NELFA: variants seen among roughly 807,000 people sequenced by gnomAD.
The protein encoded by NELFA is negative elongation factor A.
Under a neutral mutation model 51.8 loss-of-function variants are expected in NELFA, and 35 were observed. The ratio of observed to expected loss-of-function variants is 0.68; its 90% CI spans 0.52 to 0.90. NELFA has a LOEUF of 0.90. NELFA is among the 40% of genes least tolerant of loss of function. The probability of loss-of-function intolerance (pLI) is 0.00; values close to 1 mark genes in which losing one functional copy is unlikely to be tolerated. For missense variants in NELFA, 658 were observed against 746.4 expected (o/e 0.88, Z 1.38); for synonymous variants, 417 against 338.4 (o/e 1.23, Z -2.55).
At chr4:1,992,060 C>T (rs775420057) in intron 1 of NELFA, 38 of 233,770 alleles carry the variant, frequency 1.6e-4, no homozygotes, top group Middle Eastern at 1.6e-3. Context: ...CCACTGCTCC[C>T]GCAGAAAGCC....
intron 1 of NELFA, among the ~76,000 whole-genome samples, chr4:2,001,726 A>T (rs1728570291): frequency 1.3e-5 from 2 of 152,142 alleles, no homozygotes; most frequent in African/African-American, 4.8e-5. Flanking sequence ...AACGTGGTTA[A>T]ACCCCATCTC....
chr4:2,002,183 A>C (rs547872746), intron 1 of NELFA, among the ~76,000 whole-genome samples: 1 of 151,976 alleles, frequency 6.6e-6, no homozygotes, highest in East Asian at 1.9e-4. Context: ...CTGGGCGACA[A>C]AGCGAGACTC....
intron 1 of NELFA, 118 bp from the exon 2 acceptor site, chr4:1,991,833 C>T: frequency 9.4e-7 from 1 of 1,061,580 alleles, no homozygotes; most frequent in Non-Finnish European, 1.3e-6. Context: ...TTGCCCCCAA[C>T]ACTTCCTCCT....
chr4:2,002,032 C>T (rs1728581870), intron 1 of NELFA, among the ~76,000 whole-genome samples: 1 of 151,534 alleles, frequency 6.6e-6, no homozygotes, highest in Non-Finnish European at 1.5e-5. Flanking sequence ...AACCCTGTCT[C>T]TACTAAAAAT....
At chr4:1,996,702 C>G (rs1216590340) in intron 1 of NELFA, among the ~76,000 whole-genome samples, 2 of 152,202 alleles carry the variant, frequency 1.3e-5, no homozygotes, top group African/African-American at 4.8e-5. Context: ...TCAACCAAGG[C>G]ATGTGGATCA....
chr4:2,007,489 G>A lies in NELFA; in HGVS notation c.210+1261C>T, dbSNP rs145711912. On this transcript the variant is annotated intron_variant, in intron 1 of 10. Coordinates refer to ENST00000382882, the MANE Select transcript of NELFA (RefSeq NM_005663.5). ...GCTGCAACGTGGATGAAACTGTCAC[G>A]GCGTCGACCAAAAAGACACATGCAC... 5.8e-3 allele frequency among the ~76,000 whole-genome samples: 890 copies of A among 152,274 alleles called. 5 individuals carry two copies. The highest frequency in any genetic ancestry group is 9.5e-3 in the Non-Finnish European group (643 of 68,022).
At position 1,988,212 on chromosome 4, in the gene NELFA, G is replaced by A. The variant is rs147229763; in HGVS notation, c.545-205C>T. On this transcript the variant is annotated intron_variant, in intron 3 of 10. Coordinates refer to ENST00000382882, the MANE Select transcript of NELFA (RefSeq NM_005663.5). ...AAACTCACTCAGGTGAGCAAGTTTC[G>A]GGAGCTGGGTGGCTGTGGCTGCACC... is the stretch of plus-strand genomic sequence containing the variant. Among the ~76,000 whole-genome samples, 234 of 152,280 alleles carry A rather than the reference G, an allele frequency of 1.5e-3. No individual in the cohort carries two copies. In the East Asian group the frequency reaches 0.016, roughly 11 times the overall value.
intron 1 of NELFA, among the ~76,000 whole-genome samples, chr4:2,006,659 C>T (rs1397753800): frequency 1.3e-5 from 2 of 149,732 alleles, no homozygotes; most frequent in East Asian, 4.1e-4. Context: ...GTCCCAGCTA[C>T]TACAGAGGTT....
Position 1,990,375 on chromosome 4 carries a change from G to A in NELFA, c.383-506C>T, listed in dbSNP as rs140707443. On this transcript the variant is annotated intron_variant, in intron 2 of 10. Transcript: ENST00000382882. ...GTTCAGATCCCAGAAACTGCCCCACGAGGGACAGGCGACCTCCCACCTGAA... is the reference window on the plus strand; with the variant it reads ...GTTCAGATCCCAGAAACTGCCCCACAAGGGACAGGCGACCTCCCACCTGAA... 1.9e-3 allele frequency: 860 copies of A among 456,828 alleles called. 5 individuals carry two copies. The highest frequency in any genetic ancestry group is 0.016 in the African/African-American group (798 of 50,182). 28.3% of individuals were successfully genotyped at this position (456,828 alleles called of 1,614,324 possible). A position where few individuals can be genotyped will look rare whatever the true frequency, so the allele number is the denominator to read the frequency against.
rs140457309 is a variant in NELFA, at chr4:1,984,844, C to T, written c.1000G>A (p.Ala334Thr). The T allele has an allele frequency of 1.1e-4, 169 of 1,573,438 alleles. 2 individuals are homozygous for T. The Admixed American group carries it at 3.0e-3, about 28-fold the overall frequency. Reference sequence around the variant, plus strand: ...TCGGAGCTGGGGATGTAGGAGGAGGCGGGAACCACGCTGGGCGTGGAGGGA... The same window carrying T: ...TCGGAGCTGGGGATGTAGGAGGAGGTGGGAACCACGCTGGGCGTGGAGGGA... ...YLPSTPSVVP[A>T]SSYIPSSETP... is the part of the protein sequence containing the mutation. The change falls in exon 8 of 11, where the codon GCC (alanine) becomes ACC (threonine). Residue 334 changes from alanine to threonine, a missense_variant. Coordinates refer to ENST00000382882, the MANE Select transcript of NELFA (RefSeq NM_005663.5).
At position 1,983,266 on chromosome 4, in the gene NELFA, G is replaced by A; in HGVS notation, c.*53C>T. 1 of 1,555,646 alleles carries A rather than the reference G, an allele frequency of 6.4e-7. No homozygotes were observed. ...CATCCGGTTACTTTAAGCTGGCAAA[G>A]CCATCGTCCCGTGGACCCCCACAAG... On this transcript the variant is annotated 3_prime_UTR_variant, in exon 11 of 11. Transcript: ENST00000382882.
intron 1 of NELFA, chr4:2,007,129 G>C (rs1728730468): frequency 4.6e-6 from 2 of 436,602 alleles, no homozygotes; most frequent in South Asian, 3.2e-5. Context: ...AAGATCTGAG[G>C]TGAGGAGGTC....
At chr4:2,006,139 G>A (rs983706027) in intron 1 of NELFA, among the ~76,000 whole-genome samples, 3 of 152,166 alleles carry the variant, frequency 2.0e-5, no homozygotes, top group African/African-American at 4.8e-5. Flanking sequence ...TTAGCACATC[G>A]ATATGTAAAT....
intron 2 of NELFA, among the ~76,000 whole-genome samples, chr4:1,990,681 G>T (rs150221475): frequency 1.5e-3 from 235 of 152,398 alleles, no homozygotes; most frequent in African/African-American, 5.4e-3. Flanking sequence ...CCTTGAAGGA[G>T]CTGGGGCACA....
intron 2 of NELFA, 142 bp downstream of exon 2, chr4:1,991,402 G>A (rs1728264740): frequency 3.7e-6 from 3 of 803,500 alleles, no homozygotes; most frequent in African/African-American, 1.7e-5. Context: ...GGGGGAGGAT[G>A]GTGCATATAC....
intron 1 of NELFA, chr4:1,992,499 CCT>C: frequency 2.3e-6 from 1 of 429,576 alleles, no homozygotes; most frequent in Non-Finnish European, 4.7e-6. Flanking sequence ...CGTGCCTGTG[CCT>C]CTGCCATGCG....
intron 1 of NELFA, among the ~76,000 whole-genome samples, 153 bp downstream of exon 1, chr4:2,008,597 G>A (rs1413799493): frequency 1.4e-5 from 2 of 140,868 alleles, no homozygotes; most frequent in South Asian, 2.4e-4. Context: ...GGAGGAGCGA[G>A]GAGGGGGCGT....
intron 1 of NELFA, among the ~76,000 whole-genome samples, chr4:2,007,738 G>A (rs1453659026): frequency 6.6e-6 from 1 of 152,206 alleles, no homozygotes; most frequent in African/African-American, 2.4e-5. Flanking sequence ...AAGGATCACA[G>A]GAGTGGCTCG....
chr4:1,997,530 A>AAAT (rs1366277653), intron 1 of NELFA, among the ~76,000 whole-genome samples: 1 of 152,272 alleles, frequency 6.6e-6, no homozygotes, highest in African/African-American at 2.4e-5. Context: ...GTCAATAGAT[A>AAAT]TTTAAGCATT....
Sources: gnomAD v4.1 joint callset for allele counts (sites outside exome capture counted in the v4.1 genomes callset) on GRCh38, gnomAD v4.1.1 for gene constraint, MANE v1.5 for transcripts, NCBI Gene and HGNC (gene_info 2026-07-23, HGNC 2026-07-21) for gene names.